Variants in UBE2D4 observed in about 807,000 individuals in gnomAD.
UBE2D4 encodes ubiquitin-conjugating enzyme E2 D4.
In UBE2D4, 17 loss-of-function variants were observed where a neutral mutation model predicts 23.0. The observed-to-expected ratio is 0.74, with a 90% confidence interval of 0.51 to 1.11. The LOEUF (loss-of-function observed/expected upper bound fraction) is 1.11. UBE2D4 is among the 50% of genes least tolerant of loss of function. UBE2D4 has a pLI of 0.00. For synonymous variants in UBE2D4, 61 were observed against 69.4 expected, an observed-to-expected ratio of 0.88 and a Z score of 0.60; for missense variants, 139 against 181.8, an observed-to-expected ratio of 0.76 and a Z score of 1.35.
intron 6 of UBE2D4, chr7:43,952,399 C>A: frequency 2.4e-6 from 1 of 414,492 alleles, no homozygotes; most frequent in Non-Finnish European, 4.5e-6. Flanking sequence ...TTAAATCTTC[C>A]ACAGCAGATA....
chr7:43,934,325 T>A (rs1356312165), intron 1 of UBE2D4, among the ~76,000 whole-genome samples: 2 of 152,118 alleles, frequency 1.3e-5, no homozygotes, highest in Non-Finnish European at 2.9e-5. Context: ...AATTGCCACA[T>A]TACCATTGTT....
At chr7:43,948,821 A>G (rs1203818676) in intron 5 of UBE2D4, 84 bp downstream of exon 5, 3 of 1,112,938 alleles carry the variant, frequency 2.7e-6, no homozygotes, top group Non-Finnish European at 4.1e-6. Context: ...GGAAGCTCAG[A>G]GAAAGAAGTC....
intron 4 of UBE2D4, among the ~76,000 whole-genome samples, chr7:43,945,355 CAAG>C (rs2095983590): frequency 6.6e-6 from 1 of 152,112 alleles, no homozygotes; most frequent in South Asian, 2.1e-4. Flanking sequence ...ATTATTTTAA[CAAG>C]GAGAGATGTG....
chr7:43,945,940 C>T (rs532882456), intron 4 of UBE2D4, among the ~76,000 whole-genome samples: 1 of 151,954 alleles, frequency 6.6e-6, no homozygotes, highest in African/African-American at 2.4e-5. Flanking sequence ...GTGCCACATG[C>T]CCGGCTAATT....
intron 1 of UBE2D4, among the ~76,000 whole-genome samples, chr7:43,927,409 T>C (rs2095934616): frequency 6.6e-6 from 1 of 150,884 alleles, no homozygotes; most frequent in African/African-American, 2.4e-5. Flanking sequence ...ACCTTCTAGG[T>C]TCAAGTGATC....
rs969968864 is a variant in UBE2D4 at position 43,953,138 on chromosome 7, C to T, written c.*443C>T. 6.6e-6 allele frequency: 3 copies of T among 456,944 alleles called. No homozygotes were observed. Among genetic ancestry groups the T allele is most frequent in the South Asian group, 4.6e-5 (3 of 64,570 alleles). The allele number at this position is 456,944 out of a possible 1,614,324, so 28.3% of individuals were successfully genotyped here. ...GCCATCCTGGGTGCCCAGGGCAGAG[C>T]AGGCTTTGTTCGCACCTCATCTGCT... On this transcript the variant is annotated 3_prime_UTR_variant, in exon 7 of 7. Transcript: ENST00000222402.
intron 6 of UBE2D4, 42 bp downstream of exon 6, chr7:43,950,734 C>G: frequency 6.7e-7 from 1 of 1,494,036 alleles, no homozygotes; most frequent in Non-Finnish European, 9.3e-7. Context: ...ATGGCTGCCC[C>G]AGGCAGCTCC....
chr7:43,941,275 A>T (rs1186767619), intron 2 of UBE2D4: 1 of 152,182 alleles, frequency 6.6e-6, no homozygotes, highest in Admixed American at 6.5e-5. Context: ...GGCATTTTCC[A>T]CCAAGGCCCT....
intron 1 of UBE2D4, among the ~76,000 whole-genome samples, chr7:43,936,336 C>T (rs1376630111): frequency 6.6e-6 from 1 of 151,966 alleles, no homozygotes; most frequent in East Asian, 1.9e-4. Context: ...AAAGGAATAA[C>T]TGAGTGTGTA....
intron 4 of UBE2D4, 170 bp from the exon 5 acceptor site, chr7:43,948,462 T>C (rs2095993537): frequency 1.8e-6 from 1 of 557,758 alleles, no homozygotes; most frequent in Admixed American, 3.1e-5. Flanking sequence ...GATCACTCAC[T>C]CCCATATCCC....
At chr7:43,933,137 T>C (rs1486369597) in intron 1 of UBE2D4, among the ~76,000 whole-genome samples, 1 of 150,120 alleles carries the variant, frequency 6.7e-6, no homozygotes, top group Non-Finnish European at 1.5e-5. Context: ...TATATACATA[T>C]ACGTACATAT....
At chr7:43,929,770 C>A (rs1334231395) in intron 1 of UBE2D4, among the ~76,000 whole-genome samples, 5 of 152,200 alleles carry the variant, frequency 3.3e-5, no homozygotes, top group African/African-American at 1.2e-4. Flanking sequence ...TGAGACCCTA[C>A]ATTTTCACAT....
At chr7:43,932,498 T>C (rs2095948108) in intron 1 of UBE2D4, among the ~76,000 whole-genome samples, 2 of 152,126 alleles carry the variant, frequency 1.3e-5, no homozygotes, top group South Asian at 4.1e-4. Flanking sequence ...TAAAGAAAAT[T>C]TGGAAAATAC....
At chr7:43,935,812 A>C (rs1299665552) in intron 1 of UBE2D4, among the ~76,000 whole-genome samples, 3 of 152,236 alleles carry the variant, frequency 2.0e-5, no homozygotes, top group African/African-American at 7.2e-5. Context: ...GGAATGTCAC[A>C]ATACATATAG....
chr7:43,943,626 A>G lies in UBE2D4; in HGVS notation c.198+595A>G, dbSNP rs191691269. 302 of 156,684 alleles carry G rather than the reference A, an allele frequency of 1.9e-3. 1 individual carries two copies. The East Asian group carries it at 0.021, about 11-fold the overall frequency. The allele number at this position is 156,684 out of a possible 1,614,324, so 9.7% of individuals were successfully genotyped here. Reference sequence around the variant, plus strand: ...CTTCACTTTTCTTTATTAAGTTAAAAGAATAGCAAGCCTCCTTTGCCCTTC... The same window carrying G: ...CTTCACTTTTCTTTATTAAGTTAAAGGAATAGCAAGCCTCCTTTGCCCTTC... On this transcript the variant is annotated intron_variant, in intron 4 of 6. Transcript: ENST00000222402.
chr7:43,945,779 T>C (rs1361406328), intron 4 of UBE2D4, among the ~76,000 whole-genome samples: 1 of 135,762 alleles, frequency 7.4e-6, no homozygotes, highest in Non-Finnish European at 1.6e-5. Flanking sequence ...AAAATCCCTT[T>C]TTTTTTTTTT....
chr7:43,950,808 C>T, intron 6 of UBE2D4, 116 bp downstream of exon 6: 1 of 776,370 alleles, frequency 1.3e-6, no homozygotes, highest in Non-Finnish European at 2.2e-6. Flanking sequence ...ATCTTCCTGC[C>T]CATGCTGAGC....
At chr7:43,935,524 A>G (rs1315550710) in intron 1 of UBE2D4, among the ~76,000 whole-genome samples, 1 of 152,146 alleles carries the variant, frequency 6.6e-6, no homozygotes, top group African/African-American at 2.4e-5. Context: ...GCCCTAAAGG[A>G]ACATAAGCAA....
chr7:43,952,850 G>A lies in UBE2D4; in HGVS notation c.*155G>A, dbSNP rs2096005949. ...CACTCTCTCCAGCTGCAGCATGTTG[G>A]TGCCATTTTCAGCAATTACGGCTTT... is the stretch of plus-strand genomic sequence containing the variant. On this transcript the variant is annotated 3_prime_UTR_variant, in exon 7 of 7. Transcript: ENST00000222402. The A allele has an allele frequency of 1.5e-6, 1 of 646,488 alleles. No homozygotes were observed. The highest frequency in any genetic ancestry group is 2.8e-6 in the Non-Finnish European group (1 of 359,264). The allele number at this position is 646,488 out of a possible 1,614,324, so 40.0% of individuals were successfully genotyped here. A position where few individuals can be genotyped will look rare whatever the true frequency, so the allele number is the denominator to read the frequency against.
Sources: allele counts gnomAD v4.1 joint callset (sites outside exome capture counted in the v4.1 genomes callset), GRCh38; gene constraint gnomAD v4.1.1; transcripts MANE v1.5; gene names NCBI Gene and HGNC (gene_info 2026-07-23, HGNC 2026-07-21).